Variants in IQCM observed in about 807,000 individuals in gnomAD.
IQCM encodes IQ domain-containing protein M.
Under a neutral mutation model 57.6 loss-of-function variants are expected in IQCM, and 45 were observed. The ratio of observed to expected loss-of-function variants is 0.78; its 90% CI spans 0.62 to 1.00. The LOEUF (loss-of-function observed/expected upper bound fraction) is 1.00. Among genes scored for constraint, IQCM ranks in the 50% least tolerant of loss-of-function variants. The pLI, the probability that IQCM is intolerant of heterozygous loss-of-function variation, is 0.00. For synonymous variants in IQCM, 148 were observed against 158.9 expected, an observed-to-expected ratio of 0.93 and a Z score of 0.51; for missense variants, 468 against 511.6, an observed-to-expected ratio of 0.91 and a Z score of 0.82.
rs146060314 is a variant in IQCM at position 149,805,275 on chromosome 4, G to T, written c.-49+10036C>A. On this transcript the variant is annotated intron_variant, in intron 2 of 13. Coordinates refer to ENST00000636793, the MANE Select transcript of IQCM (RefSeq NM_001363507.2). The stretch of plus-strand genomic sequence containing the variant: ...TTCATTCATTTTATTTCTTGGAAAT[G>T]CTTTTCTGTTTGTTTTTAAATAAAT... 1.4e-4 allele frequency among the ~76,000 whole-genome samples: 21 copies of T among 152,110 alleles called. No homozygotes were observed. In the East Asian group the frequency reaches 4.1e-3, roughly 29 times the overall value.
chr4:149,671,993 G>A (rs932984949), intron 7 of IQCM, among the ~76,000 whole-genome samples: 3 of 152,162 alleles, frequency 2.0e-5, no homozygotes, highest in African/African-American at 7.2e-5. Context: ...CTCCGCTGGT[G>A]ATACCCAGGC....
intron 7 of IQCM, among the ~76,000 whole-genome samples, chr4:149,665,851 C>T (rs1238499903): frequency 2.6e-5 from 4 of 152,068 alleles, no homozygotes; most frequent in Non-Finnish European, 4.4e-5. Context: ...TGGAAGGACT[C>T]GACTGGCTAA....
intron 10 of IQCM, 89 bp downstream of exon 10, chr4:149,563,603 T>A: frequency 2.2e-6 from 2 of 904,412 alleles, no homozygotes; most frequent in Non-Finnish European, 2.9e-6. Flanking sequence ...AAAAAGTATG[T>A]ACATTGACCA....
rs140742398 is a variant in IQCM, at chr4:149,638,789, A to G, written c.566-17545T>C. ...AGGCTGTTCCAAAATAGTGGATGTG[A>G]GCAGCACATGCATACACCAAGAAGG... On this transcript the variant is annotated intron_variant, in intron 7 of 13. Coordinates refer to ENST00000636793, the MANE Select transcript of IQCM (RefSeq NM_001363507.2). 2.7e-3 allele frequency among the ~76,000 whole-genome samples: 405 copies of G among 152,290 alleles called. 3 individuals carry two copies. Among genetic ancestry groups the G allele is most frequent in the African/African-American group, 9.0e-3 (374 of 41,564 alleles).
At chr4:149,520,153 G>A (rs1045205488) in intron 12 of IQCM, among the ~76,000 whole-genome samples, 1 of 151,942 alleles carries the variant, frequency 6.6e-6, no homozygotes, top group Non-Finnish European at 1.5e-5. Context: ...GCCCAGGCAT[G>A]GCTTGAAGTA....
intron 12 of IQCM, among the ~76,000 whole-genome samples, chr4:149,476,357 G>A (rs1267842893): frequency 1.3e-5 from 2 of 152,150 alleles, no homozygotes; most frequent in Non-Finnish European, 2.9e-5. Flanking sequence ...CAGAGTGGCA[G>A]GAGGAGTATA....
At chr4:149,757,029 C>A (rs913463737) in intron 2 of IQCM, among the ~76,000 whole-genome samples, 1 of 152,140 alleles carries the variant, frequency 6.6e-6, no homozygotes, top group Non-Finnish European at 1.5e-5. Context: ...GAGGCCAAGG[C>A]GGGTGGATCA....
At chr4:149,396,222 G>T (rs981187954) in intron 13 of IQCM, among the ~76,000 whole-genome samples, 1 of 151,518 alleles carries the variant, frequency 6.6e-6, no homozygotes, top group African/African-American at 2.4e-5. Context: ...AATTGTTATA[G>T]TTGTCCCCCA....
At chr4:149,610,661 T>A (rs969978871) in intron 8 of IQCM, among the ~76,000 whole-genome samples, 1 of 151,848 alleles carries the variant, frequency 6.6e-6, no homozygotes, top group African/African-American at 2.4e-5. Context: ...AAACTGAACA[T>A]CCATAGGCAG....
intron 5 of IQCM, among the ~76,000 whole-genome samples, chr4:149,707,166 A>T (rs12503755): frequency 0.026 from 3,992 of 152,118 alleles, 138 homozygotes; most frequent in South Asian, 0.16. Context: ...ATTCTTTAGC[A>T]GTGAGGTAAA....
At chr4:149,621,033 C>G in intron 8 of IQCM, 96 bp downstream of exon 8, 1 of 468,758 alleles carries the variant, frequency 2.1e-6, no homozygotes. Flanking sequence ...TGAAACAGGT[C>G]CATAGTAAAA....
chr4:149,359,159 C>T (rs766455561), intron 13 of IQCM, among the ~76,000 whole-genome samples: 8 of 151,998 alleles, frequency 5.3e-5, no homozygotes, highest in Non-Finnish European at 1.2e-4. Flanking sequence ...CTTTAATGCT[C>T]GTTGGTCCCC....
At chr4:149,663,943 C>T (rs1343956758) in intron 7 of IQCM, among the ~76,000 whole-genome samples, 1 of 152,124 alleles carries the variant, frequency 6.6e-6, no homozygotes, top group African/African-American at 2.4e-5. Context: ...CTTCCCCCAG[C>T]ATCCCTATAA....
At chr4:149,574,963 A>G (rs1314252660) in intron 9 of IQCM, among the ~76,000 whole-genome samples, 1 of 151,880 alleles carries the variant, frequency 6.6e-6, no homozygotes, top group Non-Finnish European at 1.5e-5. Flanking sequence ...CCCTCCCCCA[A>G]TTCCTCTTCC....
At chr4:149,607,575 C>A (rs1042147374) in intron 8 of IQCM, among the ~76,000 whole-genome samples, 1 of 151,774 alleles carries the variant, frequency 6.6e-6, no homozygotes, top group Admixed American at 6.6e-5. Context: ...ATAATAACTG[C>A]AACTTAAGAG....
intron 9 of IQCM, among the ~76,000 whole-genome samples, chr4:149,579,340 G>A (rs375324316): frequency 4.8e-4 from 73 of 151,962 alleles, no homozygotes; most frequent in Middle Eastern, 3.4e-3. Context: ...TTCCAGGGGA[G>A]AAAGCAGAAG....
chr4:149,731,637 C>T (rs1353601106), intron 5 of IQCM, among the ~76,000 whole-genome samples: 1 of 151,962 alleles, frequency 6.6e-6, no homozygotes, highest in African/African-American at 2.4e-5. Flanking sequence ...TTAATTCATC[C>T]TAAAATAATC....
chr4:149,729,461 G>T (rs1766257202), intron 5 of IQCM, among the ~76,000 whole-genome samples: 2 of 144,570 alleles, frequency 1.4e-5, no homozygotes, highest in Non-Finnish European at 1.6e-5. Flanking sequence ...TTTTTTTGTT[G>T]TTTTTTTTTT....
chr4:149,800,652 C>T (rs1773521122), intron 2 of IQCM, among the ~76,000 whole-genome samples: 1 of 151,844 alleles, frequency 6.6e-6, no homozygotes, highest in Non-Finnish European at 1.5e-5. Context: ...AAATTTGCAG[C>T]ATATAAAGTC....
Sources: gnomAD v4.1 joint callset for allele counts (sites outside exome capture counted in the v4.1 genomes callset) on GRCh38, gnomAD v4.1.1 for gene constraint, MANE v1.5 for transcripts, NCBI Gene and HGNC (gene_info 2026-07-23, HGNC 2026-07-21) for gene names.